Variants in ARHGEF10L observed in about 807,000 individuals in gnomAD.
ARHGEF10L encodes Rho guanine nucleotide exchange factor 10 like.
ARHGEF10L carries 69 observed loss-of-function variants against 141.2 expected under a neutral mutation model. The ratio of observed to expected loss-of-function variants is 0.49; its 90% CI spans 0.40 to 0.60. ARHGEF10L has a LOEUF of 0.60. ARHGEF10L is among the 20% of genes least tolerant of loss of function. The pLI, the probability that ARHGEF10L is intolerant of heterozygous loss-of-function variation, is 0.00. For missense variants in ARHGEF10L, 1,482 were observed against 1,734.3 expected (o/e 0.85, Z 2.58); for synonymous variants, 711 against 718.5 (o/e 0.99, Z 0.17).
At chr1:17,610,309 G>T (rs1473785528) in intron 7 of ARHGEF10L, among the ~76,000 whole-genome samples, 1 of 152,210 alleles carries the variant, frequency 6.6e-6, no homozygotes, top group East Asian at 1.9e-4. Flanking sequence ...GAAATGCTGG[G>T]CTGTACTCAC....
chr1:17,643,939 G>A (rs1342772173), intron 21 of ARHGEF10L, among the ~76,000 whole-genome samples: 1 of 152,190 alleles, frequency 6.6e-6, no homozygotes, highest in Non-Finnish European at 1.5e-5. Flanking sequence ...GCTGCAGATG[G>A]AAGGTCCCAG....
At chr1:17,543,860 C>T (rs1202911871) in intron 1 of ARHGEF10L, among the ~76,000 whole-genome samples, 1 of 151,768 alleles carries the variant, frequency 6.6e-6, no homozygotes. Context: ...GTTGGCCAGG[C>T]TGGTCTCAAA....
the ARHGEF10L span, among the ~76,000 whole-genome samples, chr1:17,520,614 G>T: frequency 1.8e-4 from 27 of 152,306 alleles, no homozygotes; most frequent in South Asian, 5.0e-3. Flanking sequence ...CTGGAGCTTG[G>T]GGACACCTTG....
Position 17,573,389 on chromosome 1 carries a change from G to C in ARHGEF10L, c.-43-7164G>C, listed in dbSNP as rs2078087878. Among the ~76,000 whole-genome samples, 1 of 152,202 alleles carries C rather than the reference G, an allele frequency of 6.6e-6. No individual in the cohort carries two copies. The highest frequency in any genetic ancestry group is 2.1e-4 in the South Asian group (1 of 4,834). ...CTGCTGTCCCCTCTCTGGCTTCCAG[G>C]TGGGAGCCACGGTGCCCCATCACAG... On this transcript the variant is annotated intron_variant, in intron 1 of 28. Transcript: ENST00000361221. The surrounding 1 kb of genome is among the most constrained non-coding windows in gnomAD (Gnocchi z 4.8).
chr1:17,549,805 C>A (rs1348023299), intron 1 of ARHGEF10L, among the ~76,000 whole-genome samples: 3 of 152,098 alleles, frequency 2.0e-5, no homozygotes, highest in Non-Finnish European at 4.4e-5. Context: ...AGAAATTCAC[C>A]TTTTTCCAAT....
chr1:17,557,676 C>T (rs189015458), intron 1 of ARHGEF10L, among the ~76,000 whole-genome samples: 7 of 152,324 alleles, frequency 4.6e-5, no homozygotes, highest in Non-Finnish European at 5.9e-5. Context: ...AAGTATGTCT[C>T]GAGGCCTGTG....
intron 25 of ARHGEF10L, 86 bp from the exon 26 acceptor site, chr1:17,664,361 G>T: frequency 2.1e-6 from 3 of 1,462,824 alleles, no homozygotes; most frequent in Non-Finnish European, 2.7e-6. Context: ...GGGGGGCCCT[G>T]CTGAGCCCCC....
At chr1:17,518,779 G>C in the ARHGEF10L span, among the ~76,000 whole-genome samples, 1 of 141,842 alleles carries the variant, frequency 7.1e-6, no homozygotes, top group African/African-American at 2.7e-5. Flanking sequence ...TTCCAGCCTG[G>C]GTAATAGAGC....
chr1:17,675,753 G>A (rs913449600), intron 26 of ARHGEF10L, among the ~76,000 whole-genome samples: 2 of 140,192 alleles, frequency 1.4e-5, no homozygotes, highest in Non-Finnish European at 3.1e-5. Context: ...TTCAGGTGTA[G>A]GTACAGGCAT....
At chr1:17,611,831 C>G (rs11585753) in intron 7 of ARHGEF10L, among the ~76,000 whole-genome samples, 16 of 152,330 alleles carry the variant, frequency 1.1e-4, no homozygotes, top group African/African-American at 3.8e-4. Context: ...AGAACTCACA[C>G]TCTTGATCCT....
intron 18 of ARHGEF10L, among the ~76,000 whole-genome samples, chr1:17,637,112 C>T (rs1411144579): frequency 6.6e-6 from 1 of 152,206 alleles, no homozygotes; most frequent in Non-Finnish European, 1.5e-5. Context: ...GCCACTTGTC[C>T]TGCCAAGGTC....
intron 15 of ARHGEF10L, among the ~76,000 whole-genome samples, chr1:17,630,871 G>C (rs2060639862): frequency 6.6e-6 from 1 of 152,256 alleles, no homozygotes; most frequent in African/African-American, 2.4e-5. Flanking sequence ...CTCTCCCGAG[G>C]AGGCTCGGGG....
intron 27 of ARHGEF10L, chr1:17,694,712 C>A (rs1015828923): frequency 1.1e-5 from 4 of 350,350 alleles, no homozygotes; most frequent in East Asian, 7.9e-5. Context: ...CCCGGCCCTA[C>A]TTATGCCTTC....
chr1:17,523,656 T>C, the ARHGEF10L span, among the ~76,000 whole-genome samples: 1 of 152,228 alleles, frequency 6.6e-6, no homozygotes, highest in Non-Finnish European at 1.5e-5. Flanking sequence ...GACTAGAGCC[T>C]GGCTTGGCTG....
intron 4 of ARHGEF10L, among the ~76,000 whole-genome samples, chr1:17,593,691 T>C (rs1336390904): frequency 6.6e-6 from 1 of 152,144 alleles, no homozygotes. Context: ...AACCTCGCTT[T>C]TAGCCCTGCG....
intron 1 of ARHGEF10L, among the ~76,000 whole-genome samples, chr1:17,557,665 C>A (rs1351605772): frequency 2.0e-5 from 3 of 152,234 alleles, no homozygotes; most frequent in South Asian, 2.1e-4. Context: ...ATTCGTTCGA[C>A]AAGTATGTCT....
At chr1:17,540,174 T>C (rs1393158818) in intron 1 of ARHGEF10L, among the ~76,000 whole-genome samples, 7 of 151,702 alleles carry the variant, frequency 4.6e-5, no homozygotes, top group Admixed American at 4.6e-4. Flanking sequence ...GTCACTGGAG[T>C]TCTGGTGTTA....
At chr1:17,624,328 G>A (rs565957745) in intron 12 of ARHGEF10L, 59 bp from the exon 13 acceptor site, 23 of 1,421,260 alleles carry the variant, frequency 1.6e-5, no homozygotes, top group South Asian at 4.6e-5. Flanking sequence ...CACCTGCCTC[G>A]TTTCCTTCTG....
chr1:17,527,543 C>T, the ARHGEF10L span, among the ~76,000 whole-genome samples: 4 of 152,132 alleles, frequency 2.6e-5, no homozygotes, highest in Non-Finnish European at 4.4e-5. Context: ...CACCCGGAGC[C>T]GATCCAGAGA....
Sources: allele counts gnomAD v4.1 joint callset (sites outside exome capture counted in the v4.1 genomes callset), GRCh38; gene constraint gnomAD v4.1.1; non-coding constraint Gnocchi (gnomAD v3.1); transcripts MANE v1.5; gene names NCBI Gene and HGNC (gene_info 2026-07-23, HGNC 2026-07-21).